The following JUP variants were observed in gnomAD, a reference collection of about 807,000 sequenced individuals.
JUP encodes the protein catenin (cadherin-associated protein), gamma 80kDa.
Under a neutral mutation model 71.1 loss-of-function variants are expected in JUP, and 28 were observed. The observed-to-expected ratio is 0.39, with a 90% CI of 0.29 to 0.54. The LOEUF (loss-of-function observed/expected upper bound fraction) is 0.54, where lower values mean the gene tolerates loss of function less well. Ranked by LOEUF, JUP falls within the 20% of genes least tolerant of loss-of-function variation. JUP has a pLI of 0.62. For missense variants in JUP, 869 were observed against 1,030.1 expected, an observed-to-expected ratio of 0.84 and a Z score of 2.14; for synonymous variants, 401 against 438.9, an observed-to-expected ratio of 0.91 and a Z score of 1.08.
In JUP at chr17:41,756,132, G is replaced by A. The variant is rs200802496; in HGVS notation, c.2086+43C>T. ...TCCCCTCACACACACCCACACAGCC[G>A]CCCAGGATCTCCAGGGTCCTGAAGA... is the stretch of plus-strand genomic sequence containing the variant. On this transcript the variant is annotated intron_variant, in intron 13 of 13. Transcript: ENST00000393931. 4.0e-5 allele frequency: 63 copies of A among 1,594,498 alleles called. No individual in the cohort carries two copies. The African/African-American group carries it at 5.6e-4, about 14-fold the overall frequency.
intron 1 of JUP, among the ~76,000 whole-genome samples, chr17:41,777,096 G>A (rs1246853314): frequency 6.6e-6 from 1 of 152,234 alleles, no homozygotes; most frequent in Non-Finnish European, 1.5e-5. Context: ...GTCTGGGGGA[G>A]CCCTGGCTGC....
intron 1 of JUP, among the ~76,000 whole-genome samples, chr17:41,780,282 C>T (rs887902820): frequency 6.6e-6 from 1 of 152,022 alleles, no homozygotes; most frequent in African/African-American, 2.4e-5. Context: ...CCTGTGGACC[C>T]AGCTACTTGG....
At chr17:41,765,712 A>T (rs1915612533) in intron 5 of JUP, among the ~76,000 whole-genome samples, 1 of 152,242 alleles carries the variant, frequency 6.6e-6, no homozygotes, top group African/African-American at 2.4e-5. Context: ...GATAATACCC[A>T]GTGCTGACAA....
chr17:41,758,717 T>G lies in JUP; in HGVS notation c.1651A>C (p.Thr551Pro). ...AGAGGCACCACCAGCTCACATACCG[T>G]GTAGGGCTGCTGTGTGCCTGCAGCT... ...HVAAGTQQPYTDGVRMEEIVE... is the reference protein window; with the variant it reads ...HVAAGTQQPYPDGVRMEEIVE... Residue 551 changes from threonine to proline, a missense_variant and splice_region_variant, in exon 9 of 14, where the codon ACG (threonine) becomes CCG (proline). Transcript: ENST00000393931. 1.3e-6 allele frequency: 2 copies of G among 1,599,930 alleles called. No homozygotes were observed. The highest frequency in any genetic ancestry group is 1.7e-6 in the Non-Finnish European group (2 of 1,173,504).
chr17:41,771,719 C>A lies in JUP; in HGVS notation c.136G>T (p.Asp46Tyr), dbSNP rs782308879. Reference sequence around the variant, plus strand: ...GTGTACTGGCGCCCGCAGGCCTCATCCTCCTCCATGATGCCCTTGCTGCTG... The same window carrying A: ...GTGTACTGGCGCCCGCAGGCCTCATACTCCTCCATGATGCCCTTGCTGCTG... ...SVSSKGIMEEDEACGRQYTLK... is the reference protein window; with the variant it reads ...SVSSKGIMEEYEACGRQYTLK... The change falls in exon 2 of 14, where the codon GAT (aspartate) becomes TAT (tyrosine). Residue 46 changes from aspartate (D) to tyrosine (Y), a missense_variant. Transcript: ENST00000393931. The A allele has an allele frequency of 6.2e-7, 1 of 1,614,046 alleles. No homozygotes were observed. The highest frequency in any genetic ancestry group is 1.3e-5 in the African/African-American group (1 of 74,924).
chr17:41,757,445 G>A lies in JUP; in HGVS notation c.2016C>T (p.Leu672=), dbSNP rs1914013101. The A allele has an allele frequency of 6.2e-7, 1 of 1,614,260 alleles. No homozygotes were observed. The highest frequency in any genetic ancestry group is 1.3e-5 in the African/African-American group (1 of 75,076). ...KRVSVELTNS[L]FKHDPAAWEA... ...CCCAGGCAGCCGGGTCATGCTTGAA[G>A]AGGGAGTTGGTGAGCTCCACGGACA... Residue 672 remains leucine, a synonymous_variant, in exon 12 of 14, where the codon CTC becomes CTT. Coordinates refer to ENST00000393931, the MANE Select transcript of JUP (RefSeq NM_002230.4).
intron 1 of JUP, among the ~76,000 whole-genome samples, chr17:41,782,740 C>T (rs920376641): frequency 2.0e-5 from 3 of 152,148 alleles, no homozygotes; most frequent in Admixed American, 1.3e-4. Flanking sequence ...ACATTCACCA[C>T]TCACACATGC....
chr17:41,774,739 G>A (rs1297321519), intron 1 of JUP, among the ~76,000 whole-genome samples: 1 of 152,198 alleles, frequency 6.6e-6, no homozygotes, highest in Non-Finnish European at 1.5e-5. Flanking sequence ...GGGTGGAGCT[G>A]AGCCCTCTTG....
Position 41,758,822 on chromosome 17 carries a change from C to T in JUP, c.1546G>A (p.Ala516Thr), listed in dbSNP as rs2143460021. 1 of 1,610,562 alleles carries T rather than the reference C, an allele frequency of 6.2e-7. No homozygotes were observed. The change falls in exon 9 of 14, where the codon GCC becomes ACC. Residue 516 changes from alanine (A) to threonine (T), a missense_variant. Ala to Thr is a moderately conservative substitution (Grantham distance 58). Transcript: ENST00000393931. ...ATGACCGCTGCCTCCTGCAGCGGGG[C>T]ATGGTTGGCTGGGCACAGGGCCAGA... ...RNLALCPANH[A>T]PLQEAAVIPR...
chr17:41,777,729 G>A (rs899619377), intron 1 of JUP, among the ~76,000 whole-genome samples: 1 of 152,234 alleles, frequency 6.6e-6, no homozygotes, highest in African/African-American at 2.4e-5. Context: ...GCTCAGGCCT[G>A]CCGACCCAGC....
At chr17:41,782,977 A>G (rs2047242118) in intron 1 of JUP, among the ~76,000 whole-genome samples, 1 of 151,788 alleles carries the variant, frequency 6.6e-6, no homozygotes, top group Non-Finnish European at 1.5e-5. Context: ...CATGCCTGTA[A>G]TCCCAGCTAC....
Position 41,763,156 on chromosome 17 carries a change from T to A in JUP, c.1324A>T (p.Ile442Phe), listed in dbSNP as rs142213474. The A allele has an allele frequency of 7.2e-5, 116 of 1,614,130 alleles. No individual in the cohort carries two copies. Among genetic ancestry groups the A allele is most frequent in the Non-Finnish European group, 9.7e-5 (114 of 1,180,050 alleles). The change falls in exon 8 of 14, where the codon ATC (isoleucine) becomes TTC (phenylalanine). Residue 442 changes from isoleucine to phenylalanine, a missense_variant. Ile to Phe is a conservative substitution (Grantham distance 21). Coordinates refer to ENST00000393931, the MANE Select transcript of JUP (RefSeq NM_002230.4). ...NSGVEALIHAILRAGDKDDIT... is the reference protein window; with the variant it reads ...NSGVEALIHAFLRAGDKDDIT... The stretch of plus-strand genomic sequence containing the variant: ...TCGTCCTTGTCACCAGCACGCAGGA[T>A]GGCATGGATGAGAGCCTCCACACCG...
Position 41,769,464 on chromosome 17 carries a change from G to C in JUP, c.422C>G (p.Thr141Ser), listed in dbSNP as rs2143692578. The change falls in exon 3 of 14, where the codon ACT becomes AGT. Residue 141 changes from threonine (T) to serine (S), a missense_variant. By Grantham distance (58) the Thr-to-Ser change is moderately conservative (BLOSUM62 1). Transcript: ENST00000393931. ...TTTGGTGAGCTCGGGCAGGGCGCGA[G>C]TGGCCAGCTCGGCATCGTCCTGGTA... is the stretch of plus-strand genomic sequence containing the variant. ...INYQDDAELA[T>S]RALPELTKLL... 1 of 1,613,094 alleles carries C rather than the reference G, an allele frequency of 6.2e-7. No homozygotes were observed. Among genetic ancestry groups the C allele is most frequent in the Admixed American group, 1.7e-5 (1 of 59,920 alleles).
At chr17:41,773,530 C>T (rs985263606) in intron 1 of JUP, among the ~76,000 whole-genome samples, 2 of 152,174 alleles carry the variant, frequency 1.3e-5, no homozygotes, top group Non-Finnish European at 2.9e-5. Context: ...AGGCTCGGGC[C>T]GCCAGATGTG....
In JUP at chr17:41,767,593, G is replaced by GGGC; in HGVS notation, c.708-14_708-13insGCC. 7.1e-6 allele frequency: 9 copies of GGGC among 1,267,486 alleles called. No homozygotes were observed. Among genetic ancestry groups the GGGC allele is most frequent in the Non-Finnish European group, 9.2e-6 (8 of 873,070 alleles). The allele number at this position is 1,267,486 out of a possible 1,614,324, so 78.5% of individuals were successfully genotyped here. ...CTCCACAGGGGAGCTGGGGGGGTGG[G>GGGC]CAGGGGTTAGTACGCTGAGGTCCCA... On this transcript the variant is annotated splice_polypyrimidine_tract_variant and intron_variant, in intron 4 of 13. Transcript: ENST00000393931.
intron 1 of JUP, among the ~76,000 whole-genome samples, chr17:41,783,908 A>G (rs2047312916): frequency 6.6e-6 from 1 of 151,804 alleles, no homozygotes. Context: ...AAAAAAAAAA[A>G]AAAAAAAAAG....
At chr17:41,769,935 T>C (rs1916391044) in intron 2 of JUP, among the ~76,000 whole-genome samples, 1 of 151,348 alleles carries the variant, frequency 6.6e-6, no homozygotes, top group Non-Finnish European at 1.5e-5. Context: ...ACACTTATTA[T>C]GTGCCTGGCA....
intron 4 of JUP, among the ~76,000 whole-genome samples, chr17:41,767,824 C>A (rs1183164103): frequency 2.0e-5 from 3 of 152,236 alleles, no homozygotes; most frequent in African/African-American, 7.2e-5. Context: ...CAGCCCTGTG[C>A]TGAGCGCACA....
intron 2 of JUP, among the ~76,000 whole-genome samples, chr17:41,770,566 C>G (rs1473447462): frequency 6.6e-6 from 1 of 152,172 alleles, no homozygotes; most frequent in Middle Eastern, 3.2e-3. Context: ...AGGGAGGAGA[C>G]TGGCATGCGA....
Sources: gnomAD v4.1 joint callset for allele counts (sites outside exome capture counted in the v4.1 genomes callset) on GRCh38, gnomAD v4.1.1 for gene constraint, MANE v1.5 for transcripts, NCBI Gene and HGNC (gene_info 2026-07-23, HGNC 2026-07-21) for gene names.